Variants in CPE observed in about 807,000 individuals in gnomAD.
CPE encodes carbocypeptidase E.
Under a neutral mutation model 53.5 loss-of-function variants are expected in CPE, and 17 were observed. The ratio of observed to expected loss-of-function variants is 0.32; its 90% CI spans 0.22 to 0.48. The LOEUF (loss-of-function observed/expected upper bound fraction) is 0.48, where lower values mean the gene tolerates loss of function less well. Ranked by LOEUF, CPE falls within the 20% of genes least tolerant of loss-of-function variation. The probability of loss-of-function intolerance (pLI) is 0.99; values close to 1 mark genes in which losing one functional copy is unlikely to be tolerated. For synonymous variants in CPE, 226 were observed against 228.8 expected, an observed-to-expected ratio of 0.99 and a Z score of 0.11; for missense variants, 524 against 614.7, an observed-to-expected ratio of 0.85 and a Z score of 1.56.
chr4:165,447,113 T>G (rs1731729482), intron 1 of CPE, among the ~76,000 whole-genome samples: 1 of 152,168 alleles, frequency 6.6e-6, no homozygotes, highest in East Asian at 1.9e-4. Context: ...CATGAAAGAT[T>G]AAAAATGGTA....
intron 1 of CPE, among the ~76,000 whole-genome samples, chr4:165,403,760 C>T (rs1730908989): frequency 6.6e-6 from 1 of 151,696 alleles, no homozygotes; most frequent in South Asian, 2.1e-4. Flanking sequence ...CCACCCTGGC[C>T]TCCTGACAGG....
chr4:165,487,221 C>T (rs1440763155), intron 5 of CPE, among the ~76,000 whole-genome samples: 3 of 152,180 alleles, frequency 2.0e-5, no homozygotes, highest in Non-Finnish European at 4.4e-5. Context: ...AATGCTTTTG[C>T]TTAGGAACCT....
At position 165,379,288 on chromosome 4, in the gene CPE, C is replaced by T; in HGVS notation, c.67C>T (p.Leu23=). 1 of 1,502,760 alleles carries T rather than the reference C, an allele frequency of 6.7e-7. No individual in the cohort carries two copies. Among genetic ancestry groups the T allele is most frequent in the Non-Finnish European group, 8.8e-7 (1 of 1,134,356 alleles). The allele number at this position is 1,502,760 out of a possible 1,614,324, so 93.1% of individuals were successfully genotyped here. A position where few individuals can be genotyped will look rare whatever the true frequency, so the allele number is the denominator to read the frequency against. The change falls in exon 1 of 9, where the codon CTG becomes TTG. Residue 23 remains leucine, a synonymous_variant. Coordinates refer to ENST00000402744, the MANE Select transcript of CPE (RefSeq NM_001873.4). The surrounding 1 kb of genome is among the most constrained non-coding windows in gnomAD (Gnocchi z 6.0). ...GGCACTGGCTGCCTGCGGGTGGCTC[C>T]TGGGCGCCGAAGCCCAGGAGCCCGG... The part of the protein sequence containing the change: ...CGALAACGWL[L]GAEAQEPGAP...
chr4:165,416,219 T>G (rs1731119371), intron 1 of CPE, among the ~76,000 whole-genome samples: 1 of 151,840 alleles, frequency 6.6e-6, no homozygotes, highest in Non-Finnish European at 1.5e-5. Context: ...CACGATCTTC[T>G]AAGCTTGGCG....
chr4:165,427,494 C>T (rs1414976894), intron 1 of CPE, among the ~76,000 whole-genome samples: 1 of 152,000 alleles, frequency 6.6e-6, no homozygotes, highest in African/African-American at 2.4e-5. Context: ...GTATAATATT[C>T]CATTTTATGG....
chr4:165,439,510 A>G (rs995533815), intron 1 of CPE, among the ~76,000 whole-genome samples: 3 of 151,506 alleles, frequency 2.0e-5, no homozygotes, highest in Non-Finnish European at 4.4e-5. Flanking sequence ...TCTATTGCCA[A>G]TTTCTCCACA....
intron 1 of CPE, among the ~76,000 whole-genome samples, chr4:165,462,289 G>A (rs1732021267): frequency 6.6e-6 from 1 of 152,152 alleles, no homozygotes; most frequent in African/African-American, 2.4e-5. Context: ...ACATCTGGGG[G>A]CAAGTGTGGC....
intron 2 of CPE, among the ~76,000 whole-genome samples, chr4:165,466,183 T>A (rs1450143492): frequency 1.3e-5 from 2 of 152,196 alleles, no homozygotes; most frequent in Non-Finnish European, 2.9e-5. Context: ...ATATAGCCCA[T>A]GGTTCCTAGG....
chr4:165,480,330 A>G (rs1192634620), intron 3 of CPE, among the ~76,000 whole-genome samples: 1 of 152,238 alleles, frequency 6.6e-6, no homozygotes, highest in Non-Finnish European at 1.5e-5. Context: ...AAACATTTTT[A>G]GCTAAAAACG....
At chr4:165,449,575 A>T (rs918589469) in intron 1 of CPE, among the ~76,000 whole-genome samples, 1 of 152,318 alleles carries the variant, frequency 6.6e-6, no homozygotes, top group Middle Eastern at 3.4e-3. Flanking sequence ...ACAGACCCGT[A>T]AAGAAAACCA....
rs534118842 is a variant in CPE at position 165,474,285 on chromosome 4, T to A, written c.672+6430T>A. 7.6e-4 allele frequency among the ~76,000 whole-genome samples: 116 copies of A among 152,370 alleles called. 1 individual carries two copies. The South Asian group carries it at 0.023, about 30-fold the overall frequency. On this transcript the variant is annotated intron_variant, in intron 3 of 8. Transcript: ENST00000402744. ...GGCAATGGGTTCCAAGGCTGACTTTTGTATTTTCTCCCAGTTCATTTTTAG... is the reference window on the plus strand; with the variant it reads ...GGCAATGGGTTCCAAGGCTGACTTTAGTATTTTCTCCCAGTTCATTTTTAG...
intron 1 of CPE, among the ~76,000 whole-genome samples, chr4:165,454,679 G>A (rs750827000): frequency 3.9e-5 from 6 of 152,172 alleles, no homozygotes; most frequent in Non-Finnish European, 7.4e-5. Context: ...TGGGCATAAA[G>A]AGCAATGACT....
At position 165,397,880 on chromosome 4, in the gene CPE, G is replaced by GAA. The variant is rs75524593; in HGVS notation, c.307+18363_307+18364dup. 1.2e-4 allele frequency among the ~76,000 whole-genome samples: 17 copies of GAA among 137,884 alleles called. No homozygotes were observed. The East Asian group carries it at 3.4e-3, about 27-fold the overall frequency. The allele number at this position is 137,884 out of a possible 152,430, so 90.5% of individuals were successfully genotyped here. A position where few individuals can be genotyped will look rare whatever the true frequency, so the allele number is the denominator to read the frequency against. ...ACATAGCAAGACCGTGTCTCTACCA[G>GAA]AAAAAAAAAAAAGAAAGAAAAATTA... On this transcript the variant is annotated intron_variant, in intron 1 of 8. Coordinates refer to ENST00000402744, the MANE Select transcript of CPE (RefSeq NM_001873.4).
At chr4:165,433,424 T>C (rs1421743240) in intron 1 of CPE, among the ~76,000 whole-genome samples, 1 of 152,182 alleles carries the variant, frequency 6.6e-6, no homozygotes, top group Non-Finnish European at 1.5e-5. Context: ...TCCAAAATAA[T>C]GGCCTCCTAT....
At chr4:165,487,268 C>T (rs1732520899) in intron 5 of CPE, among the ~76,000 whole-genome samples, 170 bp from the exon 6 acceptor site, 1 of 152,288 alleles carries the variant, frequency 6.6e-6, no homozygotes, top group Non-Finnish European at 1.5e-5. Flanking sequence ...AACCCCCGAC[C>T]TATGTTGTTC....
chr4:165,406,828 C>T (rs945521601), intron 1 of CPE, among the ~76,000 whole-genome samples: 1 of 152,194 alleles, frequency 6.6e-6, no homozygotes, highest in Non-Finnish European at 1.5e-5. Flanking sequence ...TGTAGATTTG[C>T]TTATTCTAGA....
intron 1 of CPE, among the ~76,000 whole-genome samples, chr4:165,429,234 G>A (rs13132068): frequency 0.3 from 44,922 of 151,858 alleles, 6,721 homozygotes; most frequent in Middle Eastern, 0.39. Context: ...CTTCACTTAC[G>A]TCTGACTGTT....
At chr4:165,476,180 A>G (rs536218695) in intron 3 of CPE, among the ~76,000 whole-genome samples, 39 of 152,350 alleles carry the variant, frequency 2.6e-4, no homozygotes, top group Admixed American at 1.5e-3. Flanking sequence ...GCTTTAGAGC[A>G]GGAATAAAAG....
At chr4:165,487,334 C>T (rs565447380) in intron 5 of CPE, 104 bp from the exon 6 acceptor site, 1 of 1,480,796 alleles carries the variant, frequency 6.8e-7, no homozygotes, top group South Asian at 1.3e-5. Flanking sequence ...CCCAAATGCC[C>T]TGGTTTGTGT....
Sources: gnomAD v4.1 joint callset for allele counts (sites outside exome capture counted in the v4.1 genomes callset) on GRCh38, gnomAD v4.1.1 for gene constraint, Gnocchi (gnomAD v3.1) non-coding constraint, MANE v1.5 for transcripts, NCBI Gene and HGNC (gene_info 2026-07-23, HGNC 2026-07-21) for gene names.